The following NAV2 variants were observed in gnomAD, a reference collection of about 807,000 sequenced individuals.
NAV2 encodes helicase, APC down-regulated 1.
Under a neutral mutation model 223.2 loss-of-function variants are expected in NAV2, and 54 were observed. The ratio of observed to expected loss-of-function variants is 0.24; its 90% CI spans 0.19 to 0.30. The LOEUF (loss-of-function observed/expected upper bound fraction) is 0.30, where lower values mean the gene tolerates loss of function less well. Ranked by LOEUF, NAV2 falls within the 10% of genes least tolerant of loss-of-function variation. The pLI is 1.00. For synonymous variants in NAV2, 1,279 were observed against 1,239.3 expected, an observed-to-expected ratio of 1.03 and a Z score of -0.67; for missense variants, 2,806 against 3,147.5, an observed-to-expected ratio of 0.89 and a Z score of 2.60.
At chr11:19,830,366 T>C (rs1013778884) in intron 1 of NAV2, among the ~76,000 whole-genome samples, 1 of 152,238 alleles carries the variant, frequency 6.6e-6, no homozygotes, top group Non-Finnish European at 1.5e-5. Context: ...AGAGAGGCAT[T>C]GCAGGATGTC....
intron 2 of NAV2, among the ~76,000 whole-genome samples, chr11:19,835,385 ACTCTG>A (rs2152919722): frequency 6.6e-6 from 1 of 152,244 alleles, no homozygotes; most frequent in Admixed American, 6.5e-5. Flanking sequence ...GGGCTTGGAA[ACTCTG>A]CTCTGTATGT....
chr11:19,444,350 C>T (rs1851509198), intron 1 of NAV2, among the ~76,000 whole-genome samples: 3 of 152,174 alleles, frequency 2.0e-5, no homozygotes, highest in South Asian at 2.1e-4. Context: ...GCTCAGAAGC[C>T]CTGCCCAGCC....
At chr11:19,953,811 A>G (rs1485017753) in intron 10 of NAV2, among the ~76,000 whole-genome samples, 1 of 152,114 alleles carries the variant, frequency 6.6e-6, no homozygotes, top group Non-Finnish European at 1.5e-5. Flanking sequence ...AGAGCTTGAA[A>G]AGAACAGGCA....
At chr11:19,978,286 A>G (rs1425242395) in intron 10 of NAV2, among the ~76,000 whole-genome samples, 2 of 152,130 alleles carry the variant, frequency 1.3e-5, no homozygotes, top group African/African-American at 4.8e-5. Context: ...TTTGCATCCT[A>G]ATAAACTCAG....
chr11:19,927,018 A>G (rs909749887), intron 6 of NAV2, among the ~76,000 whole-genome samples: 2 of 152,342 alleles, frequency 1.3e-5, no homozygotes, highest in South Asian at 2.1e-4. Context: ...TTTCATTTAG[A>G]AAGCATTTTG....
intron 1 of NAV2, among the ~76,000 whole-genome samples, chr11:19,476,587 G>A (rs1014888851): frequency 1.3e-5 from 2 of 152,036 alleles, no homozygotes; most frequent in African/African-American, 4.8e-5. Context: ...CCTGAACTAT[G>A]TTCTGAGTAA....
At chr11:19,607,346 C>T (rs1184096878) in intron 1 of NAV2, among the ~76,000 whole-genome samples, 3 of 152,232 alleles carry the variant, frequency 2.0e-5, no homozygotes, top group Non-Finnish European at 4.4e-5. Context: ...TGTTCTTGCT[C>T]TGCTAGGCCT....
intron 1 of NAV2, among the ~76,000 whole-genome samples, chr11:19,353,346 TG>T (rs1198501322): frequency 6.6e-6 from 1 of 152,194 alleles, no homozygotes; most frequent in Admixed American, 6.5e-5. Flanking sequence ...TGGTGATTGC[TG>T]GGGGTTTCAT....
At chr11:19,656,699 C>T (rs1450472163) in intron 1 of NAV2, among the ~76,000 whole-genome samples, 1 of 152,208 alleles carries the variant, frequency 6.6e-6, no homozygotes, top group Admixed American at 6.5e-5. Context: ...ATCATGGCCC[C>T]AGCCCAGACC....
chr11:19,674,123 G>C (rs1468278052), intron 1 of NAV2, among the ~76,000 whole-genome samples: 14 of 152,226 alleles, frequency 9.2e-5, no homozygotes, highest in African/African-American at 3.1e-4. Flanking sequence ...TTTTGGCTAA[G>C]CATCAGGCTA....
Position 19,713,643 on chromosome 11 carries a change from C to T in NAV2, c.-53C>T, listed in dbSNP as rs2050023947. 2 of 1,494,912 alleles carry T rather than the reference C, an allele frequency of 1.3e-6. No homozygotes were observed. Among genetic ancestry groups the T allele is most frequent in the South Asian group, 1.4e-5 (1 of 72,098 alleles). 92.6% of individuals were successfully genotyped at this position (1,494,912 alleles called of 1,614,324 possible). ...CTACCCGCGCTGCCTTTAGCGGTCG[C>T]CCCCGCCGCCGCTGCCAGGGACGTG... On this transcript the variant is annotated 5_prime_UTR_variant, in exon 1 of 38. Coordinates refer to ENST00000349880, the MANE Select transcript of NAV2 (RefSeq NM_145117.5). This position sits in a 1 kb window ranked among gnomAD's most constrained non-coding sequence, Gnocchi z 7.2.
intron 1 of NAV2, among the ~76,000 whole-genome samples, chr11:19,440,999 A>T (rs150787650): frequency 6.6e-4 from 100 of 152,344 alleles, no homozygotes; most frequent in African/African-American, 2.3e-3. Context: ...TAACCATACA[A>T]ATAATTGTGT....
In NAV2 at chr11:19,933,733, G is replaced by T. The variant is rs1208532972; in HGVS notation, c.1489G>T (p.Asp497Tyr). ...GAAGGAGAAACAACAGCGGGAGAAGGATAAGGAGAAAAGCAAGGACCTTGC... is the reference window on the plus strand; with the variant it reads ...GAAGGAGAAACAACAGCGGGAGAAGTATAAGGAGAAAAGCAAGGACCTTGC... ...KEKEKQQREK[D>Y]KEKSKDLAKR... The change falls in exon 7 of 38, where the codon GAT becomes TAT. Residue 497 changes from aspartate to tyrosine, a missense_variant. Coordinates refer to ENST00000349880, the MANE Select transcript of NAV2 (RefSeq NM_145117.5). The surrounding 1 kb of genome is among the most constrained non-coding windows in gnomAD (Gnocchi z 4.3). 6 of 1,614,198 alleles carry T rather than the reference G, an allele frequency of 3.7e-6. No homozygotes were observed. The highest frequency in any genetic ancestry group is 5.1e-6 in the Non-Finnish European group (6 of 1,180,036).
intron 2 of NAV2, among the ~76,000 whole-genome samples, chr11:19,841,816 C>T (rs1361512241): frequency 1.4e-4 from 21 of 152,104 alleles, no homozygotes; most frequent in Admixed American, 9.8e-4. Flanking sequence ...ATATACAATA[C>T]GTATTATTGG....
Position 19,712,927 on chromosome 11 carries a change from C to G in NAV2, c.-769C>G. Among the ~76,000 whole-genome samples, 1 of 151,556 alleles carries G rather than the reference C, an allele frequency of 6.6e-6. No homozygotes were observed. The highest frequency in any genetic ancestry group is 1.9e-4 in the East Asian group (1 of 5,172). On this transcript the variant is annotated 5_prime_UTR_variant, in exon 1 of 38. Transcript: ENST00000349880. ...AGCGCAGCCCTGCCCGGCCCGCCAG[C>G]CGCGCGTCCCGGCGCCCGCGCCCCA...
intron 1 of NAV2, among the ~76,000 whole-genome samples, chr11:19,542,980 T>C (rs889156285): frequency 3.4e-5 from 5 of 147,342 alleles, no homozygotes; most frequent in African/African-American, 1.4e-4. Flanking sequence ...AAGGTTTCCA[T>C]GTCACTGGTT....
At chr11:19,832,658 C>G in intron 2 of NAV2, 57 bp downstream of exon 2, 1 of 1,381,146 alleles carries the variant, frequency 7.2e-7, no homozygotes, top group Non-Finnish European at 1.0e-6. Context: ...TCTCAAAAGG[C>G]CGGGGTGAGG....
intron 1 of NAV2, among the ~76,000 whole-genome samples, chr11:19,378,632 G>T (rs907781305): frequency 3.3e-5 from 5 of 151,860 alleles, no homozygotes; most frequent in African/African-American, 1.2e-4. Context: ...GGGGTAGGGA[G>T]TCGCTCACGG....
chr11:19,858,261 T>C (rs934156067), intron 3 of NAV2, among the ~76,000 whole-genome samples: 3 of 152,252 alleles, frequency 2.0e-5, no homozygotes, highest in African/African-American at 7.2e-5. Context: ...TCTGTGCTTC[T>C]ATGAATTCAA....
Sources: gnomAD v4.1 joint callset for allele counts (sites outside exome capture counted in the v4.1 genomes callset) on GRCh38, gnomAD v4.1.1 for gene constraint, Gnocchi (gnomAD v3.1) non-coding constraint, MANE v1.5 for transcripts, NCBI Gene and HGNC (gene_info 2026-07-23, HGNC 2026-07-21) for gene names.